ZNF423: variants seen among roughly 807,000 people sequenced by gnomAD.
The protein encoded by ZNF423 is Ebf-associated zinc finger protein.
Under a neutral mutation model 95.8 loss-of-function variants are expected in ZNF423, and 12 were observed. That is an observed-to-expected ratio of 0.13 (90% CI 0.08 to 0.20). The LOEUF (loss-of-function observed/expected upper bound fraction) is 0.20. ZNF423 is among the 10% of genes least tolerant of loss of function. The pLI is 1.00. For synonymous variants in ZNF423, 749 were observed against 711.9 expected (o/e 1.05, Z -0.83); for missense variants, 1,316 against 1,737.1 (o/e 0.76, Z 4.31).
chr16:49,657,710 C>T (rs902633912), intron 3 of ZNF423, among the ~76,000 whole-genome samples: 2 of 152,234 alleles, frequency 1.3e-5, no homozygotes, highest in Non-Finnish European at 2.9e-5. Context: ...TCGGCCTTTC[C>T]CTGGCCCTGT....
At chr16:49,594,366 C>T (rs1373531562) in intron 5 of ZNF423, among the ~76,000 whole-genome samples, 4 of 152,132 alleles carry the variant, frequency 2.6e-5, no homozygotes, top group Admixed American at 6.5e-5. Context: ...AGCCAGCTGC[C>T]TCCAAGCTGG....
At chr16:49,554,594 A>T (rs140143446) in intron 5 of ZNF423, among the ~76,000 whole-genome samples, 16 of 151,920 alleles carry the variant, frequency 1.1e-4, no homozygotes, top group Admixed American at 2.6e-4. Flanking sequence ...GTTTTCAGGG[A>T]CTCATTACAT....
At chr16:49,587,025 T>C (rs2151810757) in intron 5 of ZNF423, among the ~76,000 whole-genome samples, 1 of 152,236 alleles carries the variant, frequency 6.6e-6, no homozygotes, top group South Asian at 2.1e-4. Flanking sequence ...CTGTGAAGAC[T>C]TAACAGCCAA....
In ZNF423 at chr16:49,794,242, T is replaced by G. The variant is rs540241695; in HGVS notation, c.41-4696A>C. On this transcript the variant is annotated intron_variant, in intron 1 of 7. Coordinates refer to ENST00000563137, the MANE Select transcript of ZNF423 (RefSeq NM_001379286.1). ...TTTGTTTGTTTTTGTTTTTGTTTTTTTTTTTTTGTGGAGACAGGTTTTTGC... is the reference window on the plus strand; with the variant it reads ...TTTGTTTGTTTTTGTTTTTGTTTTTGTTTTTTTGTGGAGACAGGTTTTTGC... 9.6e-4 allele frequency among the ~76,000 whole-genome samples: 146 copies of G among 151,594 alleles called. 1 individual carries two copies. The highest frequency in any genetic ancestry group is 3.1e-3 in the South Asian group (15 of 4,784).
chr16:49,750,437 G>A (rs996001515), intron 2 of ZNF423, among the ~76,000 whole-genome samples: 1 of 152,192 alleles, frequency 6.6e-6, no homozygotes, highest in Non-Finnish European at 1.5e-5. Flanking sequence ...GACTCCTCTG[G>A]GAGGTACCTT....
chr16:49,613,315 A>G (rs561751705), intron 5 of ZNF423, among the ~76,000 whole-genome samples: 5 of 152,254 alleles, frequency 3.3e-5, no homozygotes, highest in Non-Finnish European at 5.9e-5. Context: ...TATTTGGCAG[A>G]GGGATAGGCA....
chr16:49,567,228 A>G (rs1970222399), intron 5 of ZNF423, among the ~76,000 whole-genome samples: 1 of 152,196 alleles, frequency 6.6e-6, no homozygotes, highest in African/African-American at 2.4e-5. Context: ...CCACCTGTGA[A>G]GCTGTGATGA....
intron 3 of ZNF423, among the ~76,000 whole-genome samples, chr16:49,698,259 G>GC (rs963744553): frequency 2.6e-5 from 4 of 151,080 alleles, no homozygotes; most frequent in African/African-American, 4.9e-5. Context: ...CTTTGCTCCC[G>GC]CCCCCCGAAG....
intron 1 of ZNF423, among the ~76,000 whole-genome samples, chr16:49,798,097 C>A (rs1328395720): frequency 6.6e-6 from 1 of 152,180 alleles, no homozygotes; most frequent in Non-Finnish European, 1.5e-5. Context: ...GTCATCCCAG[C>A]AACTCGGGAG....
At chr16:49,777,314 C>A (rs912387168) in intron 2 of ZNF423, among the ~76,000 whole-genome samples, 2 of 152,122 alleles carry the variant, frequency 1.3e-5, no homozygotes, top group African/African-American at 4.8e-5. Context: ...CAAATGTGTA[C>A]CTACATGTGT....
chr16:49,815,904 ATATATATATATTTTTTTTTTT>A (rs1567356439), intron 1 of ZNF423, among the ~76,000 whole-genome samples: 2 of 46,612 alleles, frequency 4.3e-5, no homozygotes, highest in African/African-American at 1.8e-4. Context: ...ATATATATAT[ATATATATATATTTTTTTTTTT>A]TTTTTTTTTT....
chr16:49,511,450 A>C (rs12925862), intron 7 of ZNF423, among the ~76,000 whole-genome samples: 62,644 of 152,118 alleles, frequency 0.41, 13,355 homozygotes, highest in African/African-American at 0.53. Flanking sequence ...ACATTTCTCC[A>C]CGCTGGCAGC....
chr16:49,628,218 T>C, intron 4 of ZNF423, among the ~76,000 whole-genome samples: 2 of 141,082 alleles, frequency 1.4e-5, no homozygotes, highest in African/African-American at 5.4e-5. Context: ...CCCACCCATT[T>C]ATCTACATAC....
intron 5 of ZNF423, among the ~76,000 whole-genome samples, chr16:49,566,573 A>G (rs1383908666): frequency 2.0e-5 from 3 of 152,226 alleles, no homozygotes; most frequent in Non-Finnish European, 4.4e-5. Flanking sequence ...GTCCAACTAA[A>G]AAATCCAGTC....
At chr16:49,766,125 G>A (rs989066288) in intron 2 of ZNF423, among the ~76,000 whole-genome samples, 1 of 152,196 alleles carries the variant, frequency 6.6e-6, no homozygotes, top group Non-Finnish European at 1.5e-5. Flanking sequence ...AATTTTAATG[G>A]AGGAAAACAG....
intron 1 of ZNF423, among the ~76,000 whole-genome samples, chr16:49,817,106 C>T (rs2034867537): frequency 6.6e-6 from 1 of 152,166 alleles, no homozygotes; most frequent in African/African-American, 2.4e-5. Flanking sequence ...GCCACATTTG[C>T]CATCTCGAAA....
intron 5 of ZNF423, among the ~76,000 whole-genome samples, chr16:49,581,535 A>G (rs1209252912): frequency 6.6e-6 from 1 of 152,226 alleles, no homozygotes; most frequent in East Asian, 1.9e-4. Flanking sequence ...ATTAGCTGGT[A>G]AAATTTGAAT....
chr16:49,508,191 A>G (rs1397782415), intron 7 of ZNF423, among the ~76,000 whole-genome samples: 1 of 152,184 alleles, frequency 6.6e-6, no homozygotes, highest in African/African-American at 2.4e-5. Flanking sequence ...CACTAGCTAA[A>G]TGACTCTTTA....
At chr16:49,780,938 C>A (rs887785636) in intron 2 of ZNF423, among the ~76,000 whole-genome samples, 7 of 152,230 alleles carry the variant, frequency 4.6e-5, no homozygotes, top group Non-Finnish European at 1.0e-4. Flanking sequence ...GTTGAGGGCT[C>A]AAGCACAAAA....
Sources: allele counts gnomAD v4.1 joint callset (sites outside exome capture counted in the v4.1 genomes callset), GRCh38; gene constraint gnomAD v4.1.1; transcripts MANE v1.5; gene names NCBI Gene and HGNC (gene_info 2026-07-23, HGNC 2026-07-21).